The following AAMDC variants were observed in gnomAD, a reference collection of about 807,000 sequenced individuals.
AAMDC encodes the protein adipogenesis associated Mth938 domain containing, also known as mth938 domain-containing protein.
In AAMDC, 16 loss-of-function variants were observed where a neutral mutation model predicts 15.5. The observed-to-expected ratio is 1.03, with a 90% CI of 0.70 to 1.57. AAMDC has a LOEUF of 1.57. Ranked by LOEUF, AAMDC falls within the 40% of genes most tolerant of loss-of-function variation. The probability of loss-of-function intolerance (pLI) is 0.00; values close to 1 mark genes in which losing one functional copy is unlikely to be tolerated. For missense variants in AAMDC, 141 were observed against 144.9 expected (o/e 0.97, Z 0.14); for synonymous variants, 51 against 51.6 (o/e 0.99, Z 0.05).
chr11:77,875,839 G>A (rs943213659), downstream of AAMDC, among the ~76,000 whole-genome samples: 17 of 152,158 alleles, frequency 1.1e-4, no homozygotes, highest in African/African-American at 3.6e-4. Flanking sequence ...AGGCTCAGCA[G>A]GTCCAAAGGC....
At chr11:77,895,810 T>TG (rs1952493032) in intron 5 of AAMDC, among the ~76,000 whole-genome samples, 1 of 152,064 alleles carries the variant, frequency 6.6e-6, no homozygotes, top group Non-Finnish European at 1.5e-5. Flanking sequence ...TCCCCAAACG[T>TG]CAAAAAAGAG....
At chr11:77,876,478 C>T (rs190765573), downstream of AAMDC, among the ~76,000 whole-genome samples, 28 of 150,940 alleles carry the variant, frequency 1.9e-4, no homozygotes, top group East Asian at 5.8e-4. Flanking sequence ...TTCCCCAGAA[C>T]GTGAAAATTC....
At chr11:77,892,407 C>G (rs1371620403) in intron 5 of AAMDC, among the ~76,000 whole-genome samples, 1 of 152,124 alleles carries the variant, frequency 6.6e-6, no homozygotes, top group Non-Finnish European at 1.5e-5. Context: ...GAGGTGATAT[C>G]TGTGCAGGAA....
intron 2 of AAMDC, among the ~76,000 whole-genome samples, chr11:77,848,183 A>C (rs1488973236): frequency 6.6e-6 from 1 of 152,204 alleles, no homozygotes; most frequent in African/African-American, 2.4e-5. Flanking sequence ...AAAGATACTT[A>C]TGTGGGACAG....
At chr11:77,887,119 A>T (rs1381245866) in intron 5 of AAMDC, among the ~76,000 whole-genome samples, 1 of 152,120 alleles carries the variant, frequency 6.6e-6, no homozygotes, top group Admixed American at 6.5e-5. Context: ...TGAAGGAAAT[A>T]GAGACACAAA....
intron 2 of AAMDC, among the ~76,000 whole-genome samples, chr11:77,862,778 T>C (rs1950937248): frequency 6.6e-6 from 1 of 152,252 alleles, no homozygotes; most frequent in South Asian, 2.1e-4. Context: ...GATGGTGTTA[T>C]AATTTATACT....
chr11:77,866,613 G>A (rs1360782886), intron 2 of AAMDC: 1 of 152,072 alleles, frequency 6.6e-6, no homozygotes, highest in Admixed American at 6.6e-5. Context: ...CTAATCTCCA[G>A]AGGATTATGG....
chr11:77,829,103 G>A (rs1949305473), intron 1 of AAMDC, among the ~76,000 whole-genome samples: 1 of 152,152 alleles, frequency 6.6e-6, no homozygotes, highest in African/African-American at 2.4e-5. Context: ...CCTATAGGAA[G>A]GAGTTAACTA....
chr11:77,876,045 C>T (rs1303661506), downstream of AAMDC, among the ~76,000 whole-genome samples: 1 of 152,054 alleles, frequency 6.6e-6, no homozygotes, highest in Non-Finnish European at 1.5e-5. Flanking sequence ...CAGATCAGCT[C>T]ATCACTTAAG....
chr11:77,883,708 G>A (rs1376692815), intron 5 of AAMDC: 3 of 1,066,778 alleles, frequency 2.8e-6, no homozygotes, highest in African/African-American at 3.2e-5. Flanking sequence ...AACTCATTAA[G>A]TTCAATTCTT....
intron 5 of AAMDC, among the ~76,000 whole-genome samples, chr11:77,890,075 A>G (rs1462498208): frequency 6.6e-6 from 1 of 152,188 alleles, no homozygotes; most frequent in African/African-American, 2.4e-5. Context: ...GCTGACACCT[A>G]TTCATCTGTT....
At chr11:77,872,780 TC>T (rs941648815), downstream of AAMDC, among the ~76,000 whole-genome samples, 62 of 152,260 alleles carry the variant, frequency 4.1e-4, no homozygotes, top group African/African-American at 1.4e-3. Context: ...AAACCCCATC[TC>T]TATTAAAACT....
intron 1 of AAMDC, among the ~76,000 whole-genome samples, chr11:77,836,660 T>C (rs981164073): frequency 6.6e-6 from 1 of 152,230 alleles, no homozygotes; most frequent in South Asian, 2.1e-4. Context: ...AGTTACTTTG[T>C]TTTTTCTTAA....
intron 5 of AAMDC, chr11:77,891,439 G>A (rs1952260129): frequency 6.2e-7 from 1 of 1,613,750 alleles, no homozygotes. Context: ...CTGGCTCGAT[G>A]ATGGTGGCTG....
At chr11:77,877,148 A>T (rs1565216768), downstream of AAMDC, 1 of 650,766 alleles carries the variant, frequency 1.5e-6, no homozygotes. Context: ...GCCTGGAAAT[A>T]GACTGCCAGA....
chr11:77,878,227 T>C (rs1297306667), intron 5 of AAMDC, among the ~76,000 whole-genome samples: 3 of 152,010 alleles, frequency 2.0e-5, no homozygotes, highest in African/African-American at 7.3e-5. Context: ...CAAGGCGTGG[T>C]GACAGGCGCC....
intron 2 of AAMDC, among the ~76,000 whole-genome samples, chr11:77,853,830 A>G (rs1260471955): frequency 6.6e-6 from 1 of 151,848 alleles, no homozygotes; most frequent in Non-Finnish European, 1.5e-5. Flanking sequence ...AATCCCAGCT[A>G]CTTGGTAGGC....
intron 1 of AAMDC, among the ~76,000 whole-genome samples, chr11:77,832,409 C>T (rs977904150): frequency 6.6e-6 from 1 of 150,594 alleles, no homozygotes. Flanking sequence ...TCGCTGCAAC[C>T]TCCGCCTCCC....
intron 1 of AAMDC, among the ~76,000 whole-genome samples, chr11:77,834,132 C>CAT (rs1949572882): frequency 6.6e-6 from 1 of 152,136 alleles, no homozygotes; most frequent in Non-Finnish European, 1.5e-5. Flanking sequence ...CATGCAGATT[C>CAT]ATATATACTC....
Sources: allele counts gnomAD v4.1 joint callset (sites outside exome capture counted in the v4.1 genomes callset), GRCh38; gene constraint gnomAD v4.1.1; transcripts MANE v1.5; gene names NCBI Gene and HGNC (gene_info 2026-07-23, HGNC 2026-07-21).